Variants in KCNIP1 observed in about 807,000 individuals in gnomAD.
The protein encoded by KCNIP1 is A-type potassium channel modulatory protein KCNIP1.
In KCNIP1, 18 loss-of-function variants were observed where a neutral mutation model predicts 33.0. The ratio of observed to expected loss-of-function variants is 0.55; its 90% CI spans 0.38 to 0.81. The LOEUF is 0.81. KCNIP1 is among the 30% of genes least tolerant of loss of function. The probability of loss-of-function intolerance (pLI) is 0.00; values close to 1 mark genes in which losing one functional copy is unlikely to be tolerated. For synonymous variants in KCNIP1, 93 were observed against 98.3 expected, an observed-to-expected ratio of 0.95 and a Z score of 0.32; for missense variants, 238 against 271.6, an observed-to-expected ratio of 0.88 and a Z score of 0.87.
chr5:170,503,768 A>C (rs1356131473), upstream of KCNIP1, among the ~76,000 whole-genome samples: 7 of 141,996 alleles, frequency 4.9e-5, no homozygotes, highest in Non-Finnish European at 1.1e-4. Context: ...ACACACATAC[A>C]CACACACAGT....
At chr5:170,475,404 G>C (rs1756834312) in intron 1 of KCNIP1, among the ~76,000 whole-genome samples, 1 of 152,194 alleles carries the variant, frequency 6.6e-6, no homozygotes, top group African/African-American at 2.4e-5. Context: ...TAGTCCACTT[G>C]CTTCTGTCTA....
At chr5:170,400,274 C>T (rs2113382959) in intron 1 of KCNIP1, among the ~76,000 whole-genome samples, 1 of 152,232 alleles carries the variant, frequency 6.6e-6, no homozygotes, top group African/African-American at 2.4e-5. Context: ...TTCTGCATGG[C>T]TAGGGAGGCC....
rs144149129 is a variant in KCNIP1 at position 170,675,554 on chromosome 5, G to A, written c.62-43204G>A. ...GGGAATCACTTGAACCCAGGAGGCG[G>A]AGGTTGCAGTGAGCCGAGATTGTGC... On this transcript the variant is annotated intron_variant, in intron 1 of 7. Coordinates refer to ENST00000328939, the MANE Select transcript of KCNIP1 (RefSeq NM_014592.4). Among the ~76,000 whole-genome samples the A allele has an allele frequency of 4.9e-3, 746 of 152,280 alleles. 3 individuals are homozygous for A. The highest frequency in any genetic ancestry group is 0.017 in the African/African-American group (711 of 41,574).
At chr5:170,415,092 T>A (rs1291722885) in intron 1 of KCNIP1, among the ~76,000 whole-genome samples, 2 of 152,224 alleles carry the variant, frequency 1.3e-5, no homozygotes, top group African/African-American at 4.8e-5. Flanking sequence ...TTATCTCCTG[T>A]CATATATATT....
At chr5:170,363,849 C>A (rs1763582906) in intron 1 of KCNIP1, among the ~76,000 whole-genome samples, 1 of 152,160 alleles carries the variant, frequency 6.6e-6, no homozygotes, top group African/African-American at 2.4e-5. Context: ...CTGCACTGCA[C>A]CCACTAAACC....
chr5:170,494,136 C>T (rs1001344325), intron 1 of KCNIP1, among the ~76,000 whole-genome samples: 1 of 152,212 alleles, frequency 6.6e-6, no homozygotes, highest in Non-Finnish European at 1.5e-5. Flanking sequence ...CCTTGATTCC[C>T]AGCAAACCAC....
chr5:170,629,644 T>C (rs1053214144), intron 1 of KCNIP1, among the ~76,000 whole-genome samples: 28 of 152,014 alleles, frequency 1.8e-4, no homozygotes, highest in African/African-American at 6.8e-4. Flanking sequence ...GTCTGCCCCC[T>C]CCCCCTGCAG....
At chr5:170,538,048 T>G (rs1404225802) in intron 1 of KCNIP1, among the ~76,000 whole-genome samples, 1 of 152,226 alleles carries the variant, frequency 6.6e-6, no homozygotes, top group East Asian at 1.9e-4. Flanking sequence ...AAATCTCAGT[T>G]CTTCAGAGAG....
In KCNIP1 at chr5:170,489,967, G is replaced by A. The variant is rs1266364784; in HGVS notation, c.88+136003G>A. ...CCTGGCAGCTGCAAGAAGGAGATGA[G>A]CTCCAGGGTTTGAGGGTTAAGGACA... is the stretch of plus-strand genomic sequence containing the variant. On this transcript the variant is annotated intron_variant, in intron 1 of 7. Transcript: ENST00000377360. The surrounding 1 kb of genome is among the most constrained non-coding windows in gnomAD (Gnocchi z 4.3). Among the ~76,000 whole-genome samples, 2 of 152,180 alleles carry A rather than the reference G, an allele frequency of 1.3e-5. No homozygotes were observed. Among genetic ancestry groups the A allele is most frequent in the Admixed American group, 6.5e-5 (1 of 15,282 alleles).
intron 1 of KCNIP1, among the ~76,000 whole-genome samples, chr5:170,618,646 G>GT (rs1340781268): frequency 5.3e-5 from 8 of 151,984 alleles, no homozygotes; most frequent in Admixed American, 2.0e-4. Flanking sequence ...GGGGACCAAA[G>GT]TGAATCCTAG....
At chr5:170,682,688 G>T (rs1220648694) in intron 1 of KCNIP1, among the ~76,000 whole-genome samples, 1 of 150,660 alleles carries the variant, frequency 6.6e-6, no homozygotes, top group Non-Finnish European at 1.5e-5. Context: ...TTCTCCACCA[G>T]ATTTCAAGAG....
chr5:170,481,357 G>A (rs976911528), intron 1 of KCNIP1, among the ~76,000 whole-genome samples: 3 of 152,076 alleles, frequency 2.0e-5, no homozygotes, highest in Admixed American at 6.5e-5. Context: ...GGCCATTTAG[G>A]GGTACAGGAG....
intron 1 of KCNIP1, among the ~76,000 whole-genome samples, chr5:170,626,898 C>A (rs1759851673): frequency 6.6e-6 from 1 of 151,618 alleles, no homozygotes; most frequent in African/African-American, 2.4e-5. Flanking sequence ...GCCCAGAAGG[C>A]CAGATGCTCA....
intron 1 of KCNIP1, among the ~76,000 whole-genome samples, chr5:170,421,044 C>G (rs758892829): frequency 2.0e-5 from 3 of 152,046 alleles, no homozygotes; most frequent in Admixed American, 2.0e-4. Context: ...AAAACCACCT[C>G]GAAGGAAAGT....
chr5:170,735,903 T>C lies in KCNIP1; in HGVS notation c.*97T>C. 9.3e-7 allele frequency: 1 copy of C among 1,076,184 alleles called. No individual in the cohort carries two copies. The allele number at this position is 1,076,184 out of a possible 1,614,324, so 66.7% of individuals were successfully genotyped here. ...TTGTTCTGATTTTACACACCAACTCTTGGGACAGAAACACCTTTTACACTT... is the reference window on the plus strand; with the variant it reads ...TTGTTCTGATTTTACACACCAACTCCTGGGACAGAAACACCTTTTACACTT... On this transcript the variant is annotated 3_prime_UTR_variant, in exon 8 of 8. Coordinates refer to ENST00000328939, the MANE Select transcript of KCNIP1 (RefSeq NM_014592.4).
At chr5:170,383,107 G>C in intron 1 of KCNIP1, 1 of 167,432 alleles carries the variant, frequency 6.0e-6, no homozygotes, top group Non-Finnish European at 1.3e-5. Flanking sequence ...GAAAGGATAT[G>C]GTGGTGAGTT....
intron 1 of KCNIP1, among the ~76,000 whole-genome samples, chr5:170,545,332 T>C (rs1433895047): frequency 6.6e-6 from 1 of 152,212 alleles, no homozygotes; most frequent in Non-Finnish European, 1.5e-5. Context: ...ATTTTGACTA[T>C]GATATGTGTA....
At chr5:170,679,594 G>A (rs982128917) in intron 1 of KCNIP1, among the ~76,000 whole-genome samples, 20 of 150,788 alleles carry the variant, frequency 1.3e-4, no homozygotes, top group African/African-American at 4.2e-4. Flanking sequence ...AATTATTAGT[G>A]TATCCTTTTG....
chr5:170,648,724 A>G (rs940217533), intron 1 of KCNIP1, among the ~76,000 whole-genome samples: 2 of 152,194 alleles, frequency 1.3e-5, no homozygotes, highest in African/African-American at 2.4e-5. Context: ...CAGAGAATGT[A>G]CCAGGAGTGA....
Sources: allele counts gnomAD v4.1 joint callset (sites outside exome capture counted in the v4.1 genomes callset), GRCh38; gene constraint gnomAD v4.1.1; non-coding constraint Gnocchi (gnomAD v3.1); transcripts MANE v1.5; gene names NCBI Gene and HGNC (gene_info 2026-07-23, HGNC 2026-07-21).